The following IQGAP2 variants were observed in gnomAD, a reference collection of about 807,000 sequenced individuals.
IQGAP2 encodes the protein IQ motif containing GTPase activating protein 2, also known as ras GTPase-activating-like protein IQGAP2.
A neutral mutation model predicts 201.3 loss-of-function variants in IQGAP2; 173 were observed. The ratio of observed to expected loss-of-function variants is 0.86; its 90% confidence interval spans 0.76 to 0.98. The LOEUF is 0.98. Ranked by LOEUF, IQGAP2 falls within the 50% of genes least tolerant of loss-of-function variation. IQGAP2 has a pLI of 0.00. For missense variants in IQGAP2, 1,687 were observed against 1,864.8 expected (o/e 0.90, Z 1.76); for synonymous variants, 675 against 673.9 (o/e 1.00, Z -0.03).
chr5:76,462,013 T>C (rs1022198656), intron 2 of IQGAP2, among the ~76,000 whole-genome samples: 8 of 152,240 alleles, frequency 5.3e-5, no homozygotes, highest in Non-Finnish European at 1.0e-4. Flanking sequence ...AAGAAGCATC[T>C]ATTTCTTGCA....
chr5:76,688,242 C>T (rs916278428), intron 30 of IQGAP2, among the ~76,000 whole-genome samples: 4 of 152,178 alleles, frequency 2.6e-5, no homozygotes, highest in African/African-American at 7.2e-5. Context: ...CCTAGCTTTT[C>T]TCTATCAAAA....
intron 2 of IQGAP2, among the ~76,000 whole-genome samples, chr5:76,478,580 G>A (rs533859126): frequency 2.6e-5 from 4 of 152,280 alleles, no homozygotes; most frequent in African/African-American, 7.2e-5. Context: ...TGAGCCAGGC[G>A]TGGTTGTGCG....
chr5:76,679,291 CTGTTCTTT>C (rs1488731179), intron 28 of IQGAP2, among the ~76,000 whole-genome samples: 1 of 152,222 alleles, frequency 6.6e-6, no homozygotes, highest in African/African-American at 2.4e-5. Context: ...GAGAAATAGT[CTGTTCTTT>C]TGTTAACAAA....
Position 76,707,201 on chromosome 5 carries a change from A to T in IQGAP2, c.4616A>T (p.Asp1539Val), listed in dbSNP as rs768228449. ...EMEKVQLNIQ[D>V]LLQMQYEGVA... ...TAATGATGCTTTTTACAATTTCAGGATTTACTTCAGATGCAATATGAAGGA... is the reference window on the plus strand; with the variant it reads ...TAATGATGCTTTTTACAATTTCAGGTTTTACTTCAGATGCAATATGAAGGA... The change falls in exon 36 of 36, where the codon GAT becomes GTT. Residue 1539 changes from aspartate (D) to valine (V), a missense_variant and splice_region_variant. Transcript: ENST00000274364. 19 of 1,306,774 alleles carry T rather than the reference A, an allele frequency of 1.5e-5. No individual in the cohort carries two copies. Among genetic ancestry groups the T allele is most frequent in the Non-Finnish European group, 2.0e-5 (18 of 906,298 alleles). 80.9% of individuals were successfully genotyped at this position (1,306,774 alleles called of 1,614,324 possible).
At chr5:76,454,217 T>C (rs1307692992) in intron 1 of IQGAP2, among the ~76,000 whole-genome samples, 1 of 152,144 alleles carries the variant, frequency 6.6e-6, no homozygotes, top group African/African-American at 2.4e-5. Flanking sequence ...CAGCCCTCTG[T>C]ATATGGGCCT....
At chr5:76,590,851 C>T (rs1054134312) in intron 8 of IQGAP2, among the ~76,000 whole-genome samples, 4 of 152,150 alleles carry the variant, frequency 2.6e-5, no homozygotes, top group African/African-American at 7.2e-5. Context: ...CTTTGGGAGG[C>T]TGCAGCGGGA....
intron 1 of IQGAP2, among the ~76,000 whole-genome samples, chr5:76,458,164 G>A (rs1754213903): frequency 6.6e-6 from 1 of 152,184 alleles, no homozygotes; most frequent in Admixed American, 6.5e-5. Context: ...CTTTACCATT[G>A]ACCCAGCAAA....
intron 2 of IQGAP2, among the ~76,000 whole-genome samples, chr5:76,507,964 C>G: frequency 7.2e-6 from 1 of 139,176 alleles, no homozygotes; most frequent in Non-Finnish European, 1.5e-5. Context: ...GATCGCGCCA[C>G]TGCACCCCAG....
intron 2 of IQGAP2, among the ~76,000 whole-genome samples, chr5:76,476,510 A>T (rs558798626): frequency 6.6e-6 from 1 of 152,326 alleles, no homozygotes. Context: ...AGGTAGAGAA[A>T]GTGTAAACAA....
At chr5:76,666,691 T>C (rs1050544281) in intron 22 of IQGAP2, among the ~76,000 whole-genome samples, 8 of 152,310 alleles carry the variant, frequency 5.3e-5, no homozygotes, top group African/African-American at 1.9e-4. Flanking sequence ...ACTAAAGAAA[T>C]TATAGAAAAG....
At chr5:76,604,297 A>G (rs1747645962) in intron 11 of IQGAP2, among the ~76,000 whole-genome samples, 2 of 141,978 alleles carry the variant, frequency 1.4e-5, no homozygotes, top group African/African-American at 5.4e-5. Context: ...GTCCCTGCAA[A>G]GGACATGAAC....
chr5:76,663,237 C>T (rs1449947469), intron 21 of IQGAP2, among the ~76,000 whole-genome samples: 7 of 152,326 alleles, frequency 4.6e-5, no homozygotes, highest in East Asian at 3.9e-4. Flanking sequence ...GGGTGATAGA[C>T]GCTGGTAGTG....
In IQGAP2 at chr5:76,498,944, C is replaced by T. The variant is rs780543038; in HGVS notation, c.146+37275C>T. 4.6e-5 allele frequency among the ~76,000 whole-genome samples: 7 copies of T among 152,188 alleles called. No homozygotes were observed. In the East Asian group the frequency reaches 5.8e-4, roughly 13 times the overall value. On this transcript the variant is annotated intron_variant, in intron 2 of 35. Transcript: ENST00000274364. ...ACGGGGTGGGATGAGGGGCTTTGCC[C>T]GCAAGAGGATGAAAAGAAAATAGTA...
rs1752616963 is a variant in IQGAP2 at position 76,652,739 on chromosome 5, C to A, written c.2095-11C>A. 3.8e-6 allele frequency: 6 copies of A among 1,593,380 alleles called. No homozygotes were observed. Among genetic ancestry groups the A allele is most frequent in the Non-Finnish European group, 5.2e-6 (6 of 1,161,098 alleles). On this transcript the variant is annotated splice_polypyrimidine_tract_variant and intron_variant, in intron 17 of 35. Transcript: ENST00000274364. ...CTGGTAAATAATTCTATAACCCACT[C>A]TTTTCCTTAGGCTTTTTGGAAAGGA...
intron 7 of IQGAP2, 25 bp from the exon 8 acceptor site, chr5:76,590,383 T>TTC (rs750627646): frequency 2.6e-6 from 4 of 1,549,460 alleles, no homozygotes; most frequent in East Asian, 2.3e-5. Flanking sequence ...AAAAACCTTT[T>TTC]TCTCTCTCTC....
chr5:76,555,350 CA>C (rs1743868621), intron 2 of IQGAP2, among the ~76,000 whole-genome samples: 1 of 152,206 alleles, frequency 6.6e-6, no homozygotes, highest in Non-Finnish European at 1.5e-5. Flanking sequence ...CATAATTACA[CA>C]GTCATATTGA....
At chr5:76,640,818 C>A in intron 16 of IQGAP2, 115 bp from the exon 17 acceptor site, 4 of 775,198 alleles carry the variant, frequency 5.2e-6, no homozygotes, top group South Asian at 5.5e-5. Flanking sequence ...GTTTTTAAAC[C>A]AAGCCAAAAG....
intron 14 of IQGAP2, chr5:76,628,701 C>T (rs773545013): frequency 4.8e-5 from 22 of 456,084 alleles, no homozygotes; most frequent in South Asian, 3.1e-4. Flanking sequence ...TTTTCAACCT[C>T]GGAAGCATCT....
At chr5:76,581,810 C>G (rs1745870835) in intron 5 of IQGAP2, among the ~76,000 whole-genome samples, 1 of 151,990 alleles carries the variant, frequency 6.6e-6, no homozygotes, top group Non-Finnish European at 1.5e-5. Context: ...ATATATGTGA[C>G]TAAGATGGAA....
Sources: gnomAD v4.1 joint callset for allele counts (sites outside exome capture counted in the v4.1 genomes callset) on GRCh38, gnomAD v4.1.1 for gene constraint, MANE v1.5 for transcripts, NCBI Gene and HGNC (gene_info 2026-07-23, HGNC 2026-07-21) for gene names.